Variants in FAM240B observed in about 807,000 individuals in gnomAD.
FAM240B encodes the protein family with sequence similarity 240 member B.
At chr9:38,701,668 T>C (rs192452578) in intron 2 of FAM240B, among the ~76,000 whole-genome samples, 8 of 152,188 alleles carry the variant, frequency 5.3e-5, no homozygotes, top group Admixed American at 4.6e-4. Context: ...AAACACTTCG[T>C]TGGGGGAGAC....
intron 1 of FAM240B, among the ~76,000 whole-genome samples, chr9:38,717,198 G>A (rs187652474): frequency 1.1e-4 from 17 of 152,300 alleles, no homozygotes; most frequent in African/African-American, 4.1e-4. Flanking sequence ...CTTTTCTTGG[G>A]ATGGTCTACA....
intron 1 of FAM240B, among the ~76,000 whole-genome samples, chr9:38,706,626 T>C (rs1464076017): frequency 6.6e-6 from 1 of 152,202 alleles, no homozygotes; most frequent in African/African-American, 2.4e-5. Flanking sequence ...TTCTGCTTTC[T>C]GGGTAAGGGA....
chr9:38,713,646 T>G (rs1821280888), intron 1 of FAM240B, among the ~76,000 whole-genome samples: 1 of 152,144 alleles, frequency 6.6e-6, no homozygotes, highest in Non-Finnish European at 1.5e-5. Context: ...ATGAGTGTGC[T>G]GTAATTATGT....
chr9:38,700,423 T>C (rs933218643), intron 2 of FAM240B, among the ~76,000 whole-genome samples: 2 of 152,208 alleles, frequency 1.3e-5, no homozygotes, highest in African/African-American at 4.8e-5. Context: ...GAAGCAGAAT[T>C]TTGAAGACCA....
At chr9:38,716,466 C>T (rs972480362) in intron 1 of FAM240B, among the ~76,000 whole-genome samples, 18 of 82,860 alleles carry the variant, frequency 2.2e-4, no homozygotes, top group East Asian at 2.1e-3. Flanking sequence ...AGTGAGACTC[C>T]GCTCTTAAAT....
At position 38,703,761 on chromosome 9, in the gene FAM240B, T is replaced by TA. The variant is rs1821155867; in HGVS notation, c.143+95_143+96insT. The TA allele has an allele frequency of 3.0e-5, 12 of 397,610 alleles. No homozygotes were observed. The East Asian group carries it at 4.3e-4, about 14-fold the overall frequency. 24.6% of individuals were successfully genotyped at this position (397,610 alleles called of 1,614,324 possible). Reference sequence around the variant, plus strand: ...CAGCATATGTACCTTCCTACAGCAGTGGGTACCAAAGAGAATTCCCTACCT... The same window carrying TA: ...CAGCATATGTACCTTCCTACAGCAGTAGGGTACCAAAGAGAATTCCCTACCT... On this transcript the variant is annotated intron_variant, in intron 2 of 2. Transcript: ENST00000637493.
At chr9:38,718,731 A>G (rs553095925) in intron 1 of FAM240B, among the ~76,000 whole-genome samples, 9 of 145,422 alleles carry the variant, frequency 6.2e-5, no homozygotes, top group Non-Finnish European at 1.0e-4. Context: ...AATAGGACAT[A>G]TACATAGTTT....
chr9:38,709,922 G>T lies in FAM240B; in HGVS notation c.-3-5920C>A, dbSNP rs115612664. ...CTTGCTACTTTCATCCCATGTGTAT[G>T]CAGATGGAAGAGAAGAGACTTTTCA... is the stretch of plus-strand genomic sequence containing the variant. On this transcript the variant is annotated intron_variant, in intron 1 of 2. Coordinates refer to ENST00000637493, the MANE Select transcript of FAM240B (RefSeq NM_001394922.1). Among the ~76,000 whole-genome samples, 595 of 152,284 alleles carry T rather than the reference G, an allele frequency of 3.9e-3. 7 individuals carry two copies. The highest frequency in any genetic ancestry group is 0.014 in the African/African-American group (563 of 41,556).
At chr9:38,716,619 A>G (rs12003369) in intron 1 of FAM240B, among the ~76,000 whole-genome samples, 2,972 of 152,314 alleles carry the variant, frequency 0.02, 85 homozygotes, top group African/African-American at 0.068. Context: ...AAAATGTTAT[A>G]TTCTGCTCCT....
chr9:38,701,455 A>C (rs910425789), intron 2 of FAM240B, among the ~76,000 whole-genome samples: 1 of 152,212 alleles, frequency 6.6e-6, no homozygotes, highest in Non-Finnish European at 1.5e-5. Flanking sequence ...TTTGTTCAGC[A>C]AAAATAACAG....
chr9:38,697,827 T>C (rs1336287652), intron 2 of FAM240B, among the ~76,000 whole-genome samples: 2 of 152,230 alleles, frequency 1.3e-5, no homozygotes, highest in African/African-American at 2.4e-5. Context: ...ATTGGTAGCT[T>C]GAAATAGACT....
At chr9:38,698,891 C>T (rs1821093664) in intron 2 of FAM240B, among the ~76,000 whole-genome samples, 1 of 152,170 alleles carries the variant, frequency 6.6e-6, no homozygotes, top group African/African-American at 2.4e-5. Flanking sequence ...TGATATCTTT[C>T]ATTACTGTGT....
chr9:38,710,314 A>G (rs1821239936), intron 1 of FAM240B, among the ~76,000 whole-genome samples: 2 of 152,182 alleles, frequency 1.3e-5, no homozygotes, highest in African/African-American at 4.8e-5. Context: ...CTCTCAGAAT[A>G]TAAGATCATT....
At chr9:38,711,212 T>C (rs1044832379) in intron 1 of FAM240B, among the ~76,000 whole-genome samples, 3 of 152,228 alleles carry the variant, frequency 2.0e-5, no homozygotes, top group African/African-American at 7.2e-5. Context: ...AAGTGGGTCA[T>C]GGTAAGGATA....
chr9:38,709,280 C>T (rs575385141), intron 1 of FAM240B, among the ~76,000 whole-genome samples: 3 of 152,286 alleles, frequency 2.0e-5, no homozygotes, highest in Non-Finnish European at 2.9e-5. Flanking sequence ...CCATCTTCTT[C>T]CTTCCACTTT....
intron 1 of FAM240B, among the ~76,000 whole-genome samples, chr9:38,705,022 A>G (rs1445324903): frequency 6.6e-6 from 1 of 152,232 alleles, no homozygotes; most frequent in Non-Finnish European, 1.5e-5. Flanking sequence ...GAAGGGACAC[A>G]TATGTAACCC....
chr9:38,695,441 C>G (rs1821059133), intron 2 of FAM240B, among the ~76,000 whole-genome samples: 1 of 152,138 alleles, frequency 6.6e-6, no homozygotes, highest in Non-Finnish European at 1.5e-5. Context: ...GGGAGAATGG[C>G]GTGAACCTGG....
At chr9:38,697,618 T>G (rs1821083272) in intron 2 of FAM240B, among the ~76,000 whole-genome samples, 1 of 152,236 alleles carries the variant, frequency 6.6e-6, no homozygotes, top group African/African-American at 2.4e-5. Context: ...AAAAGTAAAT[T>G]ATATAAACTT....
At chr9:38,705,885 T>C (rs1200145455) in intron 1 of FAM240B, among the ~76,000 whole-genome samples, 9 of 151,860 alleles carry the variant, frequency 5.9e-5, no homozygotes, top group Non-Finnish European at 2.9e-5. Flanking sequence ...TGCTTATTTC[T>C]GTAGTCAGAG....
Sources: gnomAD v4.1 joint callset for allele counts (sites outside exome capture counted in the v4.1 genomes callset) on GRCh38, gnomAD v4.1.1 for gene constraint, MANE v1.5 for transcripts, NCBI Gene and HGNC (gene_info 2026-07-23, HGNC 2026-07-21) for gene names.